The following PLXNA2 variants were observed in gnomAD, a reference collection of about 807,000 sequenced individuals.
The protein encoded by PLXNA2 is plexin-A2.
A neutral mutation model predicts 193.5 loss-of-function variants in PLXNA2; 91 were observed. That is an observed-to-expected ratio of 0.47 (90% confidence interval 0.40 to 0.56). The LOEUF (loss-of-function observed/expected upper bound fraction) is 0.56. Ranked by LOEUF, PLXNA2 falls within the 20% of genes least tolerant of loss-of-function variation. PLXNA2 has a pLI of 0.00. For synonymous variants in PLXNA2, 997 were observed against 1,027.3 expected (o/e 0.97, Z 0.56); for missense variants, 1,995 against 2,503.2 (o/e 0.80, Z 4.33).
chr1:208,205,492 G>A (rs115015290), intron 3 of PLXNA2, among the ~76,000 whole-genome samples: 183 of 152,252 alleles, frequency 1.2e-3, no homozygotes, highest in Non-Finnish European at 2.0e-3. Flanking sequence ...CTACACTAAG[G>A]GCAGGCTCAA....
intron 9 of PLXNA2, among the ~76,000 whole-genome samples, chr1:208,087,084 T>C (rs963364115): frequency 6.6e-6 from 1 of 151,424 alleles, no homozygotes; most frequent in Non-Finnish European, 1.5e-5. Context: ...AGCTGATGAA[T>C]TGTAAATGAC....
At chr1:208,081,374 A>T (rs959319393) in intron 11 of PLXNA2, among the ~76,000 whole-genome samples, 1 of 152,180 alleles carries the variant, frequency 6.6e-6, no homozygotes, top group Non-Finnish European at 1.5e-5. Context: ...CCCCATCTCC[A>T]TTGGCTGATC....
rs1469761089 is a variant in PLXNA2 at position 208,024,669 on chromosome 1, G to A, written c.*2574C>T. 1 of 152,318 alleles carries A rather than the reference G, an allele frequency of 6.6e-6. No homozygotes were observed. The highest frequency in any genetic ancestry group is 1.5e-5 in the Non-Finnish European group (1 of 68,154). The allele number at this position is 152,318 out of a possible 1,614,324, so 9.4% of individuals were successfully genotyped here. A position where few individuals can be genotyped will look rare whatever the true frequency, so the allele number is the denominator to read the frequency against. ...CACAAACCTTCAAGGAAACGCCCCA[G>A]GGGCAGTGAATCGTCTCCAAAAGTA... On this transcript the variant is annotated 3_prime_UTR_variant, in exon 32 of 32. Coordinates refer to ENST00000367033, the MANE Select transcript of PLXNA2 (RefSeq NM_025179.4).
intron 4 of PLXNA2, among the ~76,000 whole-genome samples, chr1:208,114,799 G>C (rs1667587655): frequency 1.3e-5 from 2 of 152,112 alleles, no homozygotes; most frequent in South Asian, 4.1e-4. Flanking sequence ...CAGCTTCCTA[G>C]AAGGCAGTGA....
rs905839441 is a variant in PLXNA2, at chr1:208,207,527, C to T, written c.1371+2753G>A. ...TTACATACACAGGGACATCCTGTTC[C>T]TACAGACCACAGTAGATGAGGGCTG... On this transcript the variant is annotated intron_variant, in intron 3 of 31. Transcript: ENST00000367033. Among the ~76,000 whole-genome samples the T allele has an allele frequency of 1.1e-4, 16 of 152,226 alleles. 1 individual carries two copies. The highest frequency in any genetic ancestry group is 2.2e-4 in the African/African-American group (9 of 41,462).
intron 27 of PLXNA2, among the ~76,000 whole-genome samples, chr1:208,033,834 C>T (rs187567070): frequency 1.8e-4 from 27 of 152,174 alleles, no homozygotes; most frequent in Non-Finnish European, 2.9e-4. Flanking sequence ...ATATTTTCGT[C>T]GGTGTTTTAA....
At position 208,044,532 on chromosome 1, in the gene PLXNA2, G is replaced by A. The variant is rs1360862107; in HGVS notation, c.3850C>T (p.Arg1284Cys). ...LQMQMDNLES[R>C]VALECKEAFA... The stretch of plus-strand genomic sequence containing the variant: ...CCTTCCTTGCACTCCAAGGCCACAC[G>A]GGACTCCAGATTGTCCATCTGCATT... Residue 1284 changes from arginine (R) to cysteine (C), a missense_variant, in exon 20 of 32, where the codon CGT (arginine) becomes TGT (cysteine). By Grantham distance (180) the Arg-to-Cys change is radical. Coordinates refer to ENST00000367033, the MANE Select transcript of PLXNA2 (RefSeq NM_025179.4). The surrounding 1 kb of genome is among the most constrained non-coding windows in gnomAD (Gnocchi z 4.9). The A allele has an allele frequency of 3.7e-6, 6 of 1,613,914 alleles. No homozygotes were observed. Among genetic ancestry groups the A allele is most frequent in the Admixed American group, 1.7e-5 (1 of 60,026 alleles).
At chr1:208,172,228 G>C (rs1357831686) in intron 3 of PLXNA2, among the ~76,000 whole-genome samples, 3 of 151,820 alleles carry the variant, frequency 2.0e-5, no homozygotes, top group Non-Finnish European at 4.4e-5. Flanking sequence ...GAAAACCACT[G>C]TTTGGGGCTC....
chr1:208,155,801 G>A (rs780013535), intron 3 of PLXNA2, among the ~76,000 whole-genome samples: 13 of 152,336 alleles, frequency 8.5e-5, no homozygotes, highest in South Asian at 2.1e-4. Flanking sequence ...TCACAGGGGT[G>A]TGGTGGGGTG....
At chr1:208,178,056 G>A (rs1358078098) in intron 3 of PLXNA2, among the ~76,000 whole-genome samples, 1 of 152,152 alleles carries the variant, frequency 6.6e-6, no homozygotes, top group Non-Finnish European at 1.5e-5. Flanking sequence ...GATGTGCAAT[G>A]CATTTAGCAC....
Position 208,096,988 on chromosome 1 carries a change from T to C in PLXNA2, c.1732-105A>G, listed in dbSNP as rs1389003313. The C allele has an allele frequency of 6.3e-6, 6 of 950,218 alleles. No homozygotes were observed. The African/African-American group carries it at 6.6e-5, about 10-fold the overall frequency. The allele number at this position is 950,218 out of a possible 1,614,324, so 58.9% of individuals were successfully genotyped here. ...CTTTGCTCACTGATCTCCCCTGACC[T>C]CATCTATAAAAGAAGGATGTTGGTC... On this transcript the variant is annotated intron_variant, in intron 6 of 31. Coordinates refer to ENST00000367033, the MANE Select transcript of PLXNA2 (RefSeq NM_025179.4).
At chr1:208,243,121 C>G (rs895304542) in intron 1 of PLXNA2, among the ~76,000 whole-genome samples, 2 of 152,194 alleles carry the variant, frequency 1.3e-5, no homozygotes, top group Admixed American at 6.5e-5. Context: ...ATGATGTTTT[C>G]CCATTCCCCT....
intron 9 of PLXNA2, among the ~76,000 whole-genome samples, chr1:208,087,045 AAG>A (rs1666554384): frequency 2.2e-5 from 3 of 138,868 alleles, no homozygotes; most frequent in Non-Finnish European, 4.8e-5. Flanking sequence ...GACAGAGAGA[AAG>A]AGAGAGAGAT....
At chr1:208,032,141 C>T (rs975505467) in intron 28 of PLXNA2, 56 of 985,220 alleles carry the variant, frequency 5.7e-5, no homozygotes, top group Non-Finnish European at 6.5e-5. Context: ...GGACTGGGTG[C>T]CTCCTGGCAG....
intron 1 of PLXNA2, among the ~76,000 whole-genome samples, chr1:208,237,362 T>C (rs973914890): frequency 6.6e-6 from 1 of 152,170 alleles, no homozygotes; most frequent in Non-Finnish European, 1.5e-5. Flanking sequence ...GACACTTAAA[T>C]GTGAATGTGG....
chr1:208,112,644 G>A (rs916882837), intron 4 of PLXNA2, among the ~76,000 whole-genome samples: 4 of 152,204 alleles, frequency 2.6e-5, no homozygotes, highest in Non-Finnish European at 5.9e-5. Flanking sequence ...CCTTGCTGAA[G>A]CCACCCGGCC....
chr1:208,229,884 AAGG>A (rs746774413), intron 1 of PLXNA2, among the ~76,000 whole-genome samples: 19 of 152,222 alleles, frequency 1.2e-4, no homozygotes, highest in Non-Finnish European at 2.6e-4. Flanking sequence ...GGTCTTCAAC[AAGG>A]AGGTCAAACT....
rs150649964 is a variant in PLXNA2, at chr1:208,113,801, C to T, written c.1507-10554G>A. On this transcript the variant is annotated intron_variant, in intron 4 of 31. Coordinates refer to ENST00000367033, the MANE Select transcript of PLXNA2 (RefSeq NM_025179.4). ...GAACCCCTGGGCTCAAGTGATCTGCCCGCCAGAGCAACTCAAAGTGTTGGA... is the reference window on the plus strand; with the variant it reads ...GAACCCCTGGGCTCAAGTGATCTGCTCGCCAGAGCAACTCAAAGTGTTGGA... Among the ~76,000 whole-genome samples the T allele has an allele frequency of 3.9e-4, 59 of 152,164 alleles. 1 individual carries two copies. The Middle Eastern group carries it at 0.01, about 26-fold the overall frequency.
intron 4 of PLXNA2, among the ~76,000 whole-genome samples, chr1:208,110,202 C>T (rs1438765718): frequency 1.3e-5 from 2 of 152,246 alleles, no homozygotes; most frequent in African/African-American, 4.8e-5. Flanking sequence ...GGCCCCCTCC[C>T]TCCTGACATG....
Sources: allele counts gnomAD v4.1 joint callset (sites outside exome capture counted in the v4.1 genomes callset), GRCh38; gene constraint gnomAD v4.1.1; non-coding constraint Gnocchi (gnomAD v3.1); transcripts MANE v1.5; gene names NCBI Gene and HGNC (gene_info 2026-07-23, HGNC 2026-07-21).